The following CTNNA2 variants were observed in gnomAD, a reference collection of about 807,000 sequenced individuals.
The protein encoded by CTNNA2 is catenin alpha-2.
Under a neutral mutation model 101.0 loss-of-function variants are expected in CTNNA2, and 42 were observed. That is an observed-to-expected ratio of 0.42 (90% CI 0.32 to 0.54). The LOEUF (loss-of-function observed/expected upper bound fraction) is 0.54. CTNNA2 is among the 20% of genes least tolerant of loss of function. CTNNA2 has a pLI of 0.14. For missense variants in CTNNA2, 871 were observed against 1,223.1 expected (o/e 0.71, Z 4.29); for synonymous variants, 450 against 456.4 (o/e 0.99, Z 0.18).
At chr2:80,333,251 T>C (rs931724177) in intron 7 of CTNNA2, among the ~76,000 whole-genome samples, 15 of 152,126 alleles carry the variant, frequency 9.9e-5, no homozygotes, top group African/African-American at 3.1e-4. Context: ...TCATCTAGTC[T>C]TCCCTTAGCA....
intron 2 of CTNNA2, among the ~76,000 whole-genome samples, chr2:79,290,292 A>T (rs940306412): frequency 1.3e-5 from 2 of 152,172 alleles, no homozygotes; most frequent in Non-Finnish European, 2.9e-5. Context: ...CTGATCAAAT[A>T]CAGAGCACAG....
Position 80,064,692 on chromosome 2 carries a change from G to T in CTNNA2, c.1056+154895G>T, listed in dbSNP as rs1033836781. Among the ~76,000 whole-genome samples, 8 of 152,272 alleles carry T rather than the reference G, an allele frequency of 5.3e-5. 1 individual carries two copies. The South Asian group carries it at 1.7e-3, about 32-fold the overall frequency. On this transcript the variant is annotated intron_variant, in intron 7 of 18. Coordinates refer to ENST00000402739, the MANE Select transcript of CTNNA2 (RefSeq NM_001282597.3). The stretch of plus-strand genomic sequence containing the variant: ...CAGGGTAGCCTGGACTTCTTTATAG[G>T]ATGGTCTCAATATTTCCAACAGGAA...
At chr2:79,632,756 C>T (rs185310997) in intron 1 of CTNNA2, among the ~76,000 whole-genome samples, 48 of 152,176 alleles carry the variant, frequency 3.2e-4, no homozygotes, top group African/African-American at 1.1e-3. Context: ...CCAAAATGGC[C>T]CCTGGAAAAT....
intron 2 of CTNNA2, among the ~76,000 whole-genome samples, chr2:79,253,332 A>C (rs1048340537): frequency 6.6e-6 from 1 of 152,238 alleles, no homozygotes; most frequent in Non-Finnish European, 1.5e-5. Flanking sequence ...TGAAAAACAC[A>C]CAGGATTTTT....
chr2:79,913,024 G>A (rs1367661417), intron 7 of CTNNA2, among the ~76,000 whole-genome samples: 1 of 152,132 alleles, frequency 6.6e-6, no homozygotes, highest in Non-Finnish European at 1.5e-5. Flanking sequence ...CATTGCTCTA[G>A]GCTTCTGGGG....
At chr2:79,606,627 A>C in intron 1 of CTNNA2, among the ~76,000 whole-genome samples, 1 of 152,182 alleles carries the variant, frequency 6.6e-6, no homozygotes, top group East Asian at 1.9e-4. Flanking sequence ...TAAATATATA[A>C]AAGTAAAATG....
intron 7 of CTNNA2, among the ~76,000 whole-genome samples, chr2:80,195,447 T>A (rs1706768373): frequency 1.3e-5 from 2 of 152,150 alleles, no homozygotes; most frequent in South Asian, 2.1e-4. Flanking sequence ...AACAATTCCA[T>A]GTGAGCAAGA....
intron 2 of CTNNA2, among the ~76,000 whole-genome samples, chr2:79,728,632 A>G (rs1459124927): frequency 2.0e-5 from 3 of 152,154 alleles, no homozygotes; most frequent in Non-Finnish European, 4.4e-5. Context: ...TTGGTGTTTC[A>G]GACATGAAGT....
chr2:79,979,596 T>A (rs529004308), intron 7 of CTNNA2, among the ~76,000 whole-genome samples: 1 of 152,288 alleles, frequency 6.6e-6, no homozygotes, highest in South Asian at 2.1e-4. Flanking sequence ...TTTGAAATTA[T>A]TTAATTTTGT....
At chr2:79,371,261 C>T (rs990484843) in intron 3 of CTNNA2, among the ~76,000 whole-genome samples, 1 of 151,940 alleles carries the variant, frequency 6.6e-6, no homozygotes, top group African/African-American at 2.4e-5. Flanking sequence ...GAGCACTTCT[C>T]TCAGAAGCCA....
At chr2:79,285,415 A>G (rs1348195163) in intron 2 of CTNNA2, among the ~76,000 whole-genome samples, 24 of 148,440 alleles carry the variant, frequency 1.6e-4, no homozygotes, top group African/African-American at 5.2e-4. Flanking sequence ...CCCTCTACAC[A>G]CTGCTTTGAA....
At chr2:80,529,215 A>G (rs1485705125) in intron 9 of CTNNA2, among the ~76,000 whole-genome samples, 1 of 152,174 alleles carries the variant, frequency 6.6e-6, no homozygotes, top group Admixed American at 6.5e-5. Context: ...TGTAGGCCAC[A>G]TGGAGTCTCA....
chr2:79,844,763 A>G (rs1165566330), intron 3 of CTNNA2, among the ~76,000 whole-genome samples: 2 of 152,146 alleles, frequency 1.3e-5, no homozygotes, highest in African/African-American at 2.4e-5. Context: ...GGCTTGCTCA[A>G]TATGAGGCCG....
chr2:79,675,303 A>G (rs1573642026), intron 2 of CTNNA2, among the ~76,000 whole-genome samples: 1 of 152,224 alleles, frequency 6.6e-6, no homozygotes, highest in East Asian at 1.9e-4. Flanking sequence ...TACAAAACCC[A>G]TATTACCTAA....
intron 1 of CTNNA2, among the ~76,000 whole-genome samples, chr2:79,531,658 T>C (rs1479440032): frequency 2.0e-5 from 3 of 151,716 alleles, no homozygotes; most frequent in Non-Finnish European, 4.4e-5. Flanking sequence ...AAAGATGACA[T>C]GAGTGGCTAA....
intron 2 of CTNNA2, among the ~76,000 whole-genome samples, chr2:79,289,140 C>G (rs1675715915): frequency 6.6e-6 from 1 of 152,154 alleles, no homozygotes; most frequent in African/African-American, 2.4e-5. Context: ...GGGCCTTTGC[C>G]TCTCAGTGAT....
intron 3 of CTNNA2, among the ~76,000 whole-genome samples, chr2:79,801,273 G>A (rs1326101514): frequency 6.6e-6 from 1 of 152,184 alleles, no homozygotes; most frequent in African/African-American, 2.4e-5. Context: ...TAGCTCAGCT[G>A]CAGCCAGTTT....
intron 7 of CTNNA2, among the ~76,000 whole-genome samples, chr2:80,043,081 T>C (rs11126747): frequency 0.071 from 2,987 of 42,346 alleles, 240 homozygotes; most frequent in East Asian, 0.14. Flanking sequence ...CTTTCTTTCT[T>C]TCTTTCTTTC....
At chr2:80,107,620 A>G (rs1700969946) in intron 7 of CTNNA2, among the ~76,000 whole-genome samples, 1 of 152,214 alleles carries the variant, frequency 6.6e-6, no homozygotes, top group African/African-American at 2.4e-5. Flanking sequence ...AACAGAGCTC[A>G]GGACTCACGG....
Sources: allele counts gnomAD v4.1 joint callset (sites outside exome capture counted in the v4.1 genomes callset), GRCh38; gene constraint gnomAD v4.1.1; transcripts MANE v1.5; gene names NCBI Gene and HGNC (gene_info 2026-07-23, HGNC 2026-07-21).